Variants in CFAP251 observed in about 807,000 individuals in gnomAD.
CFAP251 encodes the protein cilia- and flagella-associated protein 251.
CFAP251 carries 93 observed loss-of-function variants against 126.7 expected under a neutral mutation model. That is an observed-to-expected ratio of 0.73 (90% CI 0.62 to 0.87). The LOEUF is 0.87. Among genes scored for constraint, CFAP251 ranks in the 40% least tolerant of loss-of-function variants. CFAP251 has a pLI of 0.00. For synonymous variants in CFAP251, 503 were observed against 506.9 expected, an observed-to-expected ratio of 0.99 and a Z score of 0.10; for missense variants, 1,287 against 1,389.2, an observed-to-expected ratio of 0.93 and a Z score of 1.17.
chr12:121,957,703 C>CA (rs11416000), intron 11 of CFAP251, among the ~76,000 whole-genome samples: 92,603 of 110,872 alleles, frequency 0.84, 38,346 homozygotes, highest in Non-Finnish European at 0.86. Flanking sequence ...GACTCTGTCT[C>CA]AAAAAAAAAA....
chr12:121,997,419 A>AAG (rs1184277307), intron 19 of CFAP251: 2 of 151,500 alleles, frequency 1.3e-5, no homozygotes, highest in East Asian at 3.9e-4. Flanking sequence ...AAAAAAAAAA[A>AAG]AAGGCATGCA....
Position 121,949,041 on chromosome 12 carries a change from C to T in CFAP251, c.1249C>T (p.Arg417Trp), listed in dbSNP as rs556309908. ...AGAATTGGTGAGCAATAGTAAAACA[C>T]GGGCAATATATTATGCATGGGTAAG... ...NKELVSNSKT[R>W]AIYYAWYEER... is the part of the protein sequence containing the mutation. Residue 417 changes from arginine to tryptophan, a missense_variant, in exon 8 of 22, where the codon CGG becomes TGG. Physicochemically the swap from Arg to Trp is moderately radical, Grantham distance 101. Transcript: ENST00000288912. The T allele has an allele frequency of 7.6e-6, 12 of 1,585,478 alleles. No individual in the cohort carries two copies. Among genetic ancestry groups the T allele is most frequent in the Middle Eastern group, 1.7e-4 (1 of 6,010 alleles).
rs1565910211 is a variant in CFAP251, at chr12:121,951,297, T to A, written c.1270-183T>A. On this transcript the variant is annotated intron_variant, in intron 8 of 21. Coordinates refer to ENST00000288912, the MANE Select transcript of CFAP251 (RefSeq NM_144668.6). ...CATTTGTGGCATTTTTTATATTTTT[T>A]ATGTATTTGCTTTTCTTTCAGAATG... 1.1e-5 allele frequency: 5 copies of A among 448,012 alleles called. No homozygotes were observed. In the Admixed American group the frequency reaches 1.4e-4, roughly 13 times the overall value. 27.8% of individuals were successfully genotyped at this position (448,012 alleles called of 1,614,324 possible).
At chr12:121,982,199 C>G (rs199541810) in intron 19 of CFAP251, among the ~76,000 whole-genome samples, 1 of 151,860 alleles carries the variant, frequency 6.6e-6, no homozygotes, top group East Asian at 1.9e-4. Flanking sequence ...AGTCTTCTCA[C>G]TTGTTCAGGA....
chr12:121,931,038 G>A (rs11043246), intron 3 of CFAP251, among the ~76,000 whole-genome samples: 54,260 of 151,056 alleles, frequency 0.36, 11,048 homozygotes, highest in Non-Finnish European at 0.48. Context: ...CATGAAACAG[G>A]GCTCCCAGCC....
chr12:121,926,900 C>A (rs139140213), intron 3 of CFAP251, among the ~76,000 whole-genome samples: 2 of 152,124 alleles, frequency 1.3e-5, no homozygotes, highest in African/African-American at 4.8e-5. Context: ...GCCAAGATTG[C>A]GCCATTGCAC....
Position 121,999,759 on chromosome 12 carries a change from A to G in CFAP251, c.3050A>G (p.Asp1017Gly). The G allele has an allele frequency of 1.9e-6, 3 of 1,613,292 alleles. No individual in the cohort carries two copies. The highest frequency in any genetic ancestry group is 2.5e-6 in the Non-Finnish European group (3 of 1,179,304). The change falls in exon 20 of 22, where the codon GAC (aspartate) becomes GGC (glycine). Residue 1017 changes from aspartate to glycine, a missense_variant. Coordinates refer to ENST00000288912, the MANE Select transcript of CFAP251 (RefSeq NM_144668.6). ...FNEIKFGEYV[D>G]TGKLIDKINL... ...GAAATCAAATTTGGTGAATATGTGGACACTGGAAAGCTAATCGACAAGATC... is the reference window on the plus strand; with the variant it reads ...GAAATCAAATTTGGTGAATATGTGGGCACTGGAAAGCTAATCGACAAGATC...
intron 15 of CFAP251, among the ~76,000 whole-genome samples, chr12:121,964,953 T>G (rs1882071463): frequency 1.3e-5 from 2 of 152,096 alleles, no homozygotes; most frequent in Non-Finnish European, 2.9e-5. Flanking sequence ...TCCATGGCAT[T>G]TAGTACTCAT....
At chr12:121,920,342 C>T (rs1380067389) in intron 1 of CFAP251, among the ~76,000 whole-genome samples, 1 of 148,484 alleles carries the variant, frequency 6.7e-6, no homozygotes, top group Non-Finnish European at 1.5e-5. Context: ...ATTCTCCTGC[C>T]TCGGCCTTCT....
At chr12:121,919,124 A>AT (rs11374418) in intron 1 of CFAP251, among the ~76,000 whole-genome samples, 121,939 of 145,288 alleles carry the variant, frequency 0.84, 50,740 homozygotes, top group African/African-American at 0.9. Flanking sequence ...TTCATTATTT[A>AT]TTTATTATTA....
chr12:121,930,798 G>C (rs1880653753), intron 3 of CFAP251, among the ~76,000 whole-genome samples: 1 of 148,292 alleles, frequency 6.7e-6, no homozygotes. Context: ...ATCCAGGCTG[G>C]AGTGCAGTGG....
chr12:121,920,910 A>G (rs1678967), intron 1 of CFAP251, among the ~76,000 whole-genome samples: 134,126 of 151,918 alleles, frequency 0.88, 59,404 homozygotes, highest in African/African-American at 0.96. Flanking sequence ...GTGCAATGGT[A>G]TGATCTTGGC....
At chr12:121,928,704 A>ATATATAT (rs1414832664) in intron 3 of CFAP251, among the ~76,000 whole-genome samples, 3 of 60,348 alleles carry the variant, frequency 5.0e-5, no homozygotes, top group African/African-American at 1.2e-4. Context: ...ATATATATAT[A>ATATATAT]TTTTTTTTTT....
intron 19 of CFAP251, among the ~76,000 whole-genome samples, chr12:121,994,006 C>A (rs1482275464): frequency 2.5e-5 from 1 of 39,882 alleles, no homozygotes; most frequent in Non-Finnish European, 6.5e-5. Context: ...CCAGCCGCCC[C>A]GTCCGGGAGG....
chr12:121,992,088 T>G, intron 19 of CFAP251: 48 of 435,820 alleles, frequency 1.1e-4, no homozygotes, highest in Non-Finnish European at 1.5e-4. Flanking sequence ...TTAGCAGGCG[T>G]GAGAATGCCA....
intron 19 of CFAP251, chr12:121,998,123 C>G (rs1420960760): frequency 6.6e-6 from 1 of 152,030 alleles, no homozygotes; most frequent in African/African-American, 2.4e-5. Context: ...TGATCATGGG[C>G]TCACTGCAGC....
At chr12:121,972,551 C>T (rs374726241) in intron 17 of CFAP251, among the ~76,000 whole-genome samples, 218 of 151,466 alleles carry the variant, frequency 1.4e-3, no homozygotes, top group African/African-American at 5.0e-3. Flanking sequence ...TGCAATGGCA[C>T]GATCTTGGCT....
At chr12:121,959,807 CT>C (rs986526432) in intron 13 of CFAP251, 2 of 152,176 alleles carry the variant, frequency 1.3e-5, no homozygotes, top group Non-Finnish European at 2.9e-5. Context: ...CAGTTTTCTG[CT>C]TTTAACTTTA....
chr12:121,958,308 C>G lies in CFAP251; in HGVS notation c.1767C>G (p.Tyr589Ter). 2 of 1,614,152 alleles carry G rather than the reference C, an allele frequency of 1.2e-6. No individual in the cohort carries two copies. Among genetic ancestry groups the G allele is most frequent in the Non-Finnish European group, 1.7e-6 (2 of 1,180,036 alleles). ...FIIGTSDAAVYHLTTDGTKLE... is the reference protein window; with the variant it reads ...FIIGTSDAAV ...TTGGAACATCTGATGCCGCGGTGTA[C>G]CACTTAACAACAGATGGGACCAAAC... The change falls in exon 12 of 22, where the codon TAC becomes TAG. Residue 589 changes from tyrosine (Y) to a stop codon, truncating the protein, a stop_gained. Coordinates refer to ENST00000288912, the MANE Select transcript of CFAP251 (RefSeq NM_144668.6). LOFTEE classifies it high-confidence loss of function.
Sources: gnomAD v4.1 joint callset for allele counts (sites outside exome capture counted in the v4.1 genomes callset) on GRCh38, gnomAD v4.1.1 for gene constraint, MANE v1.5 for transcripts, NCBI Gene and HGNC (gene_info 2026-07-23, HGNC 2026-07-21) for gene names.